FHIT: variants seen among roughly 807,000 people sequenced by gnomAD.
FHIT encodes fragile histidine triad diadenosine triphosphatase.
Under a neutral mutation model 17.9 loss-of-function variants are expected in FHIT, and 19 were observed. That is an observed-to-expected ratio of 1.06 (90% confidence interval 0.74 to 1.56). FHIT has a LOEUF of 1.56. Ranked by LOEUF, FHIT falls within the 40% of genes most tolerant of loss-of-function variation. FHIT has a pLI of 0.00. For missense variants in FHIT, 248 were observed against 189.2 expected (o/e 1.31, Z -1.82); for synonymous variants, 81 against 69.7 (o/e 1.16, Z -0.81).
intron 5 of FHIT, among the ~76,000 whole-genome samples, chr3:60,480,502 A>G (rs957934528): frequency 1.3e-5 from 2 of 152,230 alleles, no homozygotes; most frequent in African/African-American, 4.8e-5. Context: ...AGTCCCTTCC[A>G]CTTAGGAACC....
intron 5 of FHIT, among the ~76,000 whole-genome samples, chr3:60,198,754 CTCTT>C (rs757705200): frequency 2.6e-5 from 4 of 152,156 alleles, no homozygotes; most frequent in East Asian, 1.9e-4. Context: ...TTCTCAATCT[CTCTT>C]TCTATCTTTT....
chr3:61,171,704 T>C (rs906705249), intron 2 of FHIT, among the ~76,000 whole-genome samples: 22 of 152,192 alleles, frequency 1.4e-4, no homozygotes, highest in Non-Finnish European at 2.2e-4. Flanking sequence ...TAAAATGAAA[T>C]GGCAACAAAT....
At chr3:60,690,678 G>C in intron 4 of FHIT, 1 of 476,066 alleles carries the variant, frequency 2.1e-6, no homozygotes, top group Non-Finnish European at 4.2e-6. Context: ...CCAAGGGCTC[G>C]CTATTGACAG....
intron 3 of FHIT, among the ~76,000 whole-genome samples, chr3:61,035,567 G>A (rs2365045): frequency 0.73 from 111,716 of 152,032 alleles, 42,594 homozygotes; most frequent in East Asian, 0.99. Flanking sequence ...GTCAGTCAGG[G>A]AGCCTGAGGT....
intron 4 of FHIT, among the ~76,000 whole-genome samples, chr3:60,669,947 G>C (rs1251323276): frequency 6.6e-6 from 1 of 152,176 alleles, no homozygotes; most frequent in Non-Finnish European, 1.5e-5. Context: ...AATTGGCTTG[G>C]TCTTTTAAGA....
rs538129162 is a variant in FHIT at position 60,135,909 on chromosome 3, C to G, written c.104-121757G>C. Among the ~76,000 whole-genome samples the G allele has an allele frequency of 2.6e-5, 4 of 152,246 alleles. No individual in the cohort carries two copies. The East Asian group carries it at 7.7e-4, about 29-fold the overall frequency. ...GGCTCAAAATCTAAATCCACCTAAACTGTCCATCATCGCCCCCTCCCCACC... is the reference window on the plus strand; with the variant it reads ...GGCTCAAAATCTAAATCCACCTAAAGTGTCCATCATCGCCCCCTCCCCACC... On this transcript the variant is annotated intron_variant, in intron 5 of 9. Transcript: ENST00000492590.
At chr3:60,327,050 G>T (rs554572194) in intron 5 of FHIT, among the ~76,000 whole-genome samples, 1 of 152,118 alleles carries the variant, frequency 6.6e-6, no homozygotes, top group Non-Finnish European at 1.5e-5. Context: ...CATGGAGGTC[G>T]TCCCCAGGCT....
chr3:60,353,589 C>A (rs576057504), intron 5 of FHIT, among the ~76,000 whole-genome samples: 53 of 152,014 alleles, frequency 3.5e-4, no homozygotes, highest in African/African-American at 1.3e-3. Context: ...GGCATAGTAG[C>A]CTTAATCAAA....
chr3:61,210,134 A>G (rs1263615408), intron 1 of FHIT, among the ~76,000 whole-genome samples: 23 of 152,214 alleles, frequency 1.5e-4, no homozygotes, highest in Non-Finnish European at 2.6e-4. Context: ...GCGGATATTG[A>G]TGAACCGCAA....
intron 2 of FHIT, among the ~76,000 whole-genome samples, chr3:61,117,422 C>T (rs2036330863): frequency 2.0e-5 from 3 of 152,050 alleles, no homozygotes; most frequent in South Asian, 4.2e-4. Context: ...CCATGAGATA[C>T]GGTGCCAGAA....
At chr3:60,873,286 T>A in intron 3 of FHIT, among the ~76,000 whole-genome samples, 1 of 152,202 alleles carries the variant, frequency 6.6e-6, no homozygotes. Flanking sequence ...GATTTGAAAC[T>A]ATTGAGTGCT....
chr3:60,248,210 A>G (rs767000), intron 5 of FHIT, among the ~76,000 whole-genome samples: 49,990 of 152,040 alleles, frequency 0.33, 8,994 homozygotes, highest in Non-Finnish European at 0.4. Flanking sequence ...CCCTAGGTTT[A>G]TTCTTTGGTA....
intron 1 of FHIT, among the ~76,000 whole-genome samples, chr3:61,208,728 T>A (rs2039344647): frequency 6.6e-6 from 1 of 151,996 alleles, no homozygotes; most frequent in African/African-American, 2.4e-5. Context: ...ATGACATGGG[T>A]TTCCTGAATA....
At chr3:60,984,401 C>T (rs1377380985) in intron 3 of FHIT, among the ~76,000 whole-genome samples, 3 of 152,204 alleles carry the variant, frequency 2.0e-5, no homozygotes, top group African/African-American at 7.2e-5. Context: ...CCACCCCCAC[C>T]TACCAATACA....
intron 4 of FHIT, among the ~76,000 whole-genome samples, chr3:60,659,517 C>T (rs1216006408): frequency 1.3e-5 from 2 of 152,020 alleles, no homozygotes; most frequent in Non-Finnish European, 2.9e-5. Flanking sequence ...TTCAAGTTTA[C>T]TGACTCTTTC....
At chr3:59,846,936 T>A (rs1414047777) in intron 8 of FHIT, among the ~76,000 whole-genome samples, 1 of 152,080 alleles carries the variant, frequency 6.6e-6, no homozygotes, top group East Asian at 1.9e-4. Flanking sequence ...AATGAAAAAA[T>A]CTGCTGATAA....
At chr3:60,341,685 G>A (rs772142988) in intron 5 of FHIT, among the ~76,000 whole-genome samples, 1 of 151,882 alleles carries the variant, frequency 6.6e-6, no homozygotes, top group Non-Finnish European at 1.5e-5. Context: ...TTTATAATTA[G>A]CAACAGTCTT....
At chr3:60,865,991 T>G (rs1704141016) in intron 3 of FHIT, among the ~76,000 whole-genome samples, 1 of 152,110 alleles carries the variant, frequency 6.6e-6, no homozygotes, top group Admixed American at 6.6e-5. Flanking sequence ...AGCTAAGAAG[T>G]GACTCGGGGA....
At chr3:60,921,224 A>C (rs1257574378) in intron 3 of FHIT, among the ~76,000 whole-genome samples, 1 of 152,208 alleles carries the variant, frequency 6.6e-6, no homozygotes, top group Non-Finnish European at 1.5e-5. Flanking sequence ...CTGAACCATA[A>C]AATGCATGGG....
Sources: allele counts gnomAD v4.1 joint callset (sites outside exome capture counted in the v4.1 genomes callset), GRCh38; gene constraint gnomAD v4.1.1; transcripts MANE v1.5; gene names NCBI Gene and HGNC (gene_info 2026-07-23, HGNC 2026-07-21).